The following IGSF11 variants were observed in gnomAD, a reference collection of about 807,000 sequenced individuals.
IGSF11 encodes the protein CXADR like 1.
In IGSF11, 22 loss-of-function variants were observed where a neutral mutation model predicts 41.0. The ratio of observed to expected loss-of-function variants is 0.54; its 90% CI spans 0.38 to 0.77. The LOEUF is 0.77. Among genes scored for constraint, IGSF11 ranks in the 30% least tolerant of loss-of-function variants. The pLI is 0.00. For synonymous variants in IGSF11, 219 were observed against 201.3 expected, an observed-to-expected ratio of 1.09 and a Z score of -0.74; for missense variants, 444 against 530.8, an observed-to-expected ratio of 0.84 and a Z score of 1.61.
At chr3:119,134,193 T>C (rs953480218) in intron 1 of IGSF11, among the ~76,000 whole-genome samples, 7 of 152,134 alleles carry the variant, frequency 4.6e-5, no homozygotes, top group African/African-American at 1.2e-4. Context: ...CTTTTCAACA[T>C]GGTGTTGGAA....
intron 1 of IGSF11, among the ~76,000 whole-genome samples, chr3:118,932,852 C>T (rs537067534): frequency 1.3e-5 from 2 of 152,302 alleles, no homozygotes; most frequent in African/African-American, 2.4e-5. Flanking sequence ...TTAAACTACA[C>T]GGGATTGTAA....
chr3:118,960,290 T>G (rs1945256711), intron 1 of IGSF11, among the ~76,000 whole-genome samples: 2 of 152,150 alleles, frequency 1.3e-5, no homozygotes, highest in Admixed American at 1.3e-4. Context: ...TGGCATTACT[T>G]AAGATGGTGA....
chr3:118,902,754 T>C lies in IGSF11; in HGVS notation c.1062A>G (p.Ile354Met), dbSNP rs1483162199. 1.2e-6 allele frequency: 2 copies of C among 1,613,990 alleles called. No individual in the cohort carries two copies. Among genetic ancestry groups the C allele is most frequent in the African/African-American group, 1.3e-5 (1 of 74,924 alleles). Residue 354 changes from isoleucine (I) to methionine (M), a missense_variant, in exon 7 of 7, where the codon ATA becomes ATG. Transcript: ENST00000393775. ...SFSFHSGNANIPSIYANGTHL... is the reference protein window; with the variant it reads ...SFSFHSGNANMPSIYANGTHL... ...GGGTCCCATTAGCATAAATGGATGG[T>C]ATGTTGGCATTGCCTGAGTGGAAAG...
chr3:118,970,680 T>C (rs1021257588), intron 1 of IGSF11, among the ~76,000 whole-genome samples: 1 of 151,510 alleles, frequency 6.6e-6, no homozygotes, highest in Non-Finnish European at 1.5e-5. Flanking sequence ...GGTACTATTG[T>C]ATTCTCAGTA....
At chr3:119,123,757 G>A (rs1484829025) in intron 1 of IGSF11, among the ~76,000 whole-genome samples, 2 of 152,190 alleles carry the variant, frequency 1.3e-5, no homozygotes, top group Non-Finnish European at 1.5e-5. Flanking sequence ...ATCCAAGACT[G>A]CCAAGGTAGC....
rs1161446544 is a variant in IGSF11 at position 119,046,235 on chromosome 3, G to A, written c.49+58909C>T. 2.6e-3 allele frequency among the ~76,000 whole-genome samples: 384 copies of A among 147,662 alleles called. 4 individuals carry two copies. The highest frequency in any genetic ancestry group is 9.2e-3 in the African/African-American group (368 of 39,958). ...CATTCAAACCAAAGGCAAAGAAGTTGAAAACTTTGAAAAAAATTTAGAAGA... is the reference window on the plus strand; with the variant it reads ...CATTCAAACCAAAGGCAAAGAAGTTAAAAACTTTGAAAAAAATTTAGAAGA... On this transcript the variant is annotated intron_variant, in intron 1 of 6. Coordinates refer to the IGSF11 transcript ENST00000354673.
chr3:118,941,530 T>C (rs771579315), intron 1 of IGSF11, among the ~76,000 whole-genome samples: 8 of 152,220 alleles, frequency 5.3e-5, no homozygotes, highest in Admixed American at 2.0e-4. Context: ...AAATGAAATG[T>C]AGTACAGTCA....
chr3:119,072,033 T>TA (rs996235432), intron 1 of IGSF11, among the ~76,000 whole-genome samples: 3 of 152,128 alleles, frequency 2.0e-5, no homozygotes, highest in African/African-American at 4.8e-5. Flanking sequence ...TGCACAGGAA[T>TA]AAAAAATAAG....
chr3:118,944,623 C>T (rs950900026), intron 1 of IGSF11, among the ~76,000 whole-genome samples: 4 of 152,022 alleles, frequency 2.6e-5, no homozygotes, highest in Admixed American at 6.6e-5. Flanking sequence ...GATATAGTCA[C>T]GACACTTTAA....
At chr3:118,909,418 A>T (rs1283068116) in intron 4 of IGSF11, among the ~76,000 whole-genome samples, 1 of 152,200 alleles carries the variant, frequency 6.6e-6, no homozygotes, top group African/African-American at 2.4e-5. Context: ...TTAATTTTTT[A>T]AAAATTGTAA....
intron 1 of IGSF11, among the ~76,000 whole-genome samples, chr3:119,096,668 C>T (rs1275023829): frequency 2.0e-5 from 3 of 152,152 alleles, no homozygotes. Context: ...TTCTTTATGT[C>T]CAGTGGCACA....
intron 1 of IGSF11, among the ~76,000 whole-genome samples, chr3:119,073,725 G>A (rs115791430): frequency 0.049 from 7,455 of 152,246 alleles, 229 homozygotes; most frequent in South Asian, 0.093. Flanking sequence ...ACACCCACCC[G>A]GAACTCGCGC....
chr3:119,065,785 T>G (rs1234032996), intron 1 of IGSF11, among the ~76,000 whole-genome samples: 1 of 130,544 alleles, frequency 7.7e-6, no homozygotes, highest in Non-Finnish European at 1.6e-5. Flanking sequence ...ACAGTGAGAC[T>G]CTGTCTCAAA....
chr3:119,116,506 A>G (rs1391843757), intron 1 of IGSF11, among the ~76,000 whole-genome samples: 1 of 152,200 alleles, frequency 6.6e-6, no homozygotes, highest in African/African-American at 2.4e-5. Flanking sequence ...AAATTATTAC[A>G]GTAAACTAAG....
At chr3:119,021,681 A>C (rs1208238396) in intron 1 of IGSF11, among the ~76,000 whole-genome samples, 1 of 152,188 alleles carries the variant, frequency 6.6e-6, no homozygotes, top group Non-Finnish European at 1.5e-5. Flanking sequence ...CAAGACAATG[A>C]ATTCTAGATG....
intron 1 of IGSF11, among the ~76,000 whole-genome samples, chr3:119,044,612 G>A (rs1941247360): frequency 6.6e-6 from 1 of 152,092 alleles, no homozygotes; most frequent in South Asian, 2.1e-4. Context: ...AGAGTCAACA[G>A]GTTATCTAAT....
At chr3:119,002,058 CA>C (rs1470382027) in intron 1 of IGSF11, among the ~76,000 whole-genome samples, 12 of 129,762 alleles carry the variant, frequency 9.2e-5, no homozygotes, top group Non-Finnish European at 1.6e-4. Flanking sequence ...CTGACTTCCA[CA>C]ATGGTTGAAC....
chr3:119,110,887 ATTCTT>A (rs1336346761), intron 1 of IGSF11, among the ~76,000 whole-genome samples: 2 of 151,646 alleles, frequency 1.3e-5, no homozygotes, highest in African/African-American at 4.8e-5. Context: ...TGGGTTGAAA[ATTCTT>A]TTCTTTAAGA....
rs965520696 is a variant in IGSF11 at position 119,005,374 on chromosome 3, G to C, written c.52+29157C>G. Among the ~76,000 whole-genome samples the C allele has an allele frequency of 1.7e-4, 26 of 150,540 alleles. 1 individual carries two copies. The South Asian group carries it at 2.1e-3, about 12-fold the overall frequency. ...ATGTGTGTCTCTGCACGTGAGATGG[G>C]TTTCCTGAATACAGCACACTGATGG... On this transcript the variant is annotated intron_variant, in intron 1 of 6. Coordinates refer to ENST00000393775, the MANE Select transcript of IGSF11 (RefSeq NM_001015887.3).
Sources: gnomAD v4.1 joint callset for allele counts (sites outside exome capture counted in the v4.1 genomes callset) on GRCh38, gnomAD v4.1.1 for gene constraint, MANE v1.5 for transcripts, NCBI Gene and HGNC (gene_info 2026-07-23, HGNC 2026-07-21) for gene names.